Variants in MTUS1 observed in about 807,000 individuals in gnomAD.
MTUS1 encodes microtubule associated scaffold protein 1, also known as microtubule-associated tumor suppressor 1.
Under a neutral mutation model 120.8 loss-of-function variants are expected in MTUS1, and 109 were observed. The ratio of observed to expected loss-of-function variants is 0.90; its 90% confidence interval spans 0.77 to 1.06. The LOEUF is 1.06. MTUS1 is among the 50% of genes least tolerant of loss of function. The pLI is 0.00. For missense variants in MTUS1, 2,210 were observed against 1,486.3 expected, an observed-to-expected ratio of 1.49 and a Z score of -8.01; for synonymous variants, 737 against 550.5, an observed-to-expected ratio of 1.34 and a Z score of -4.74.
intron 1 of MTUS1, among the ~76,000 whole-genome samples, chr8:17,788,991 C>A (rs934849005): frequency 6.6e-6 from 1 of 151,542 alleles, no homozygotes; most frequent in African/African-American, 2.4e-5. Flanking sequence ...TACAGTTATG[C>A]TAAAGAAATG....
chr8:17,734,912 T>A (rs1409228537), intron 3 of MTUS1, among the ~76,000 whole-genome samples: 2 of 105,094 alleles, frequency 1.9e-5, no homozygotes, highest in African/African-American at 3.2e-5. Context: ...TCACACCAAC[T>A]TTTTTTTTTT....
intron 1 of MTUS1, among the ~76,000 whole-genome samples, chr8:17,775,884 C>A (rs73567568): frequency 6.8e-4 from 103 of 152,344 alleles, no homozygotes; most frequent in African/African-American, 2.4e-3. Context: ...CATGACTACG[C>A]AGGCATTTCA....
chr8:17,774,740 C>G (rs2050279240), intron 1 of MTUS1, among the ~76,000 whole-genome samples: 1 of 151,862 alleles, frequency 6.6e-6, no homozygotes, highest in African/African-American at 2.4e-5. Context: ...CTCTTATACC[C>G]CCAAAAGCAG....
intron 3 of MTUS1, among the ~76,000 whole-genome samples, chr8:17,727,590 GTTAA>G (rs1358411579): frequency 6.6e-6 from 1 of 152,200 alleles, no homozygotes; most frequent in Admixed American, 6.5e-5. Context: ...GCAATATTAG[GTTAA>G]TTGAGAGACT....
chr8:17,794,851 T>G (rs1393161197), intron 1 of MTUS1, among the ~76,000 whole-genome samples: 1 of 152,206 alleles, frequency 6.6e-6, no homozygotes, highest in East Asian at 1.9e-4. Flanking sequence ...TCTCAGAAAC[T>G]GCTCATATCT....
intron 6 of MTUS1, among the ~76,000 whole-genome samples, chr8:17,703,812 T>G (rs958045827): frequency 6.6e-6 from 1 of 152,132 alleles, no homozygotes; most frequent in Non-Finnish European, 1.5e-5. Context: ...CTGCTGAACA[T>G]AGACCCTTAT....
At chr8:17,650,062 C>G (rs540139101) in intron 12 of MTUS1, 100 bp from the exon 13 acceptor site, 2 of 755,586 alleles carry the variant, frequency 2.6e-6, no homozygotes, top group African/African-American at 1.8e-5. Flanking sequence ...AAGTAGCAAG[C>G]GACAGATGTT....
intron 3 of MTUS1, among the ~76,000 whole-genome samples, chr8:17,733,288 T>C (rs1427694995): frequency 1.3e-5 from 2 of 150,996 alleles, no homozygotes; most frequent in Non-Finnish European, 2.9e-5. Flanking sequence ...GAGGTGGAGG[T>C]TGCAGTGAGC....
chr8:17,720,029 A>T (rs2045702682), intron 4 of MTUS1, among the ~76,000 whole-genome samples: 1 of 152,130 alleles, frequency 6.6e-6, no homozygotes. Context: ...AAGATAGTCC[A>T]ACTTAACATG....
At chr8:17,664,967 T>G (rs1810581765) in intron 8 of MTUS1, among the ~76,000 whole-genome samples, 1 of 152,182 alleles carries the variant, frequency 6.6e-6, no homozygotes, top group South Asian at 2.1e-4. Flanking sequence ...ATGTCCAGTT[T>G]CCTGGGCCTC....
At chr8:17,707,743 C>G (rs147234326) in intron 6 of MTUS1, among the ~76,000 whole-genome samples, 42 of 152,270 alleles carry the variant, frequency 2.8e-4, no homozygotes, top group African/African-American at 9.6e-4. Context: ...TCAAAACTTA[C>G]TAATCAAGAC....
intron 1 of MTUS1, among the ~76,000 whole-genome samples, chr8:17,790,687 A>G (rs1028608947): frequency 6.6e-6 from 1 of 152,214 alleles, no homozygotes; most frequent in Non-Finnish European, 1.5e-5. Context: ...TTTACATATC[A>G]TAACTACTGC....
At position 17,649,973 on chromosome 8, in the gene MTUS1, C is replaced by G. The variant is rs773834192; in HGVS notation, c.3385-11G>C. The stretch of plus-strand genomic sequence containing the variant: ...GATCTGAGGATTTTTCTGGAAAGGA[C>G]ACAGCAAGATACTGCTCTTATTCCA... On this transcript the variant is annotated splice_polypyrimidine_tract_variant and intron_variant, in intron 12 of 14. Transcript: ENST00000693296. The G allele has an allele frequency of 7.3e-7, 1 of 1,368,928 alleles. No individual in the cohort carries two copies. Among genetic ancestry groups the G allele is most frequent in the South Asian group, 1.2e-5 (1 of 86,042 alleles). 84.8% of individuals were successfully genotyped at this position (1,368,928 alleles called of 1,614,324 possible).
intron 3 of MTUS1, among the ~76,000 whole-genome samples, chr8:17,728,115 T>C (rs2046335546): frequency 6.6e-6 from 1 of 152,028 alleles, no homozygotes; most frequent in Non-Finnish European, 1.5e-5. Context: ...TAAAACAAAA[T>C]GGTAGAATGG....
chr8:17,712,002 A>G (rs1162373112), intron 6 of MTUS1, among the ~76,000 whole-genome samples: 1 of 152,196 alleles, frequency 6.6e-6, no homozygotes, highest in Non-Finnish European at 1.5e-5. Flanking sequence ...TCCCAAAACA[A>G]TCACAACAGT....
chr8:17,697,529 A>G (rs576788554), intron 6 of MTUS1: 15 of 1,414,984 alleles, frequency 1.1e-5, no homozygotes, highest in Non-Finnish European at 1.4e-5. Context: ...AGAGAGGCAT[A>G]GAAGAAAAAA....
chr8:17,746,130 T>A (rs1389481710), intron 2 of MTUS1, among the ~76,000 whole-genome samples: 2 of 152,308 alleles, frequency 1.3e-5, no homozygotes, highest in East Asian at 3.9e-4. Flanking sequence ...TATATAGCAA[T>A]GTGAGAACAG....
At chr8:17,739,722 G>C (rs1563297555) in intron 3 of MTUS1, among the ~76,000 whole-genome samples, 1 of 152,100 alleles carries the variant, frequency 6.6e-6, no homozygotes, top group Non-Finnish European at 1.5e-5. Context: ...AGGATTAAAT[G>C]AATTTATAGA....
intron 14 of MTUS1, among the ~76,000 whole-genome samples, chr8:17,646,463 C>T (rs1805812984): frequency 6.6e-6 from 1 of 152,124 alleles, no homozygotes; most frequent in African/African-American, 2.4e-5. Flanking sequence ...TGACATGTGC[C>T]TGTAGTCCCA....
Sources: allele counts gnomAD v4.1 joint callset (sites outside exome capture counted in the v4.1 genomes callset), GRCh38; gene constraint gnomAD v4.1.1; transcripts MANE v1.5; gene names NCBI Gene and HGNC (gene_info 2026-07-23, HGNC 2026-07-21).